The following HSD17B12 variants were observed in gnomAD, a reference collection of about 807,000 sequenced individuals.
HSD17B12 encodes the protein hydroxysteroid 17-beta dehydrogenase 12.
In HSD17B12, 32 loss-of-function variants were observed where a neutral mutation model predicts 39.3. The observed-to-expected ratio is 0.81, with a 90% confidence interval of 0.61 to 1.09. The LOEUF is 1.09. HSD17B12 is among the 50% of genes least tolerant of loss of function. The pLI is 0.00. For synonymous variants in HSD17B12, 150 were observed against 146.7 expected, an observed-to-expected ratio of 1.02 and a Z score of -0.16; for missense variants, 342 against 382.9, an observed-to-expected ratio of 0.89 and a Z score of 0.89.
the HSD17B12 span, among the ~76,000 whole-genome samples, chr11:43,641,500 G>A: frequency 3.9e-5 from 6 of 151,912 alleles, no homozygotes; most frequent in South Asian, 4.1e-4. Context: ...AAGCAGGCCC[G>A]TGAATTAAAG....
At chr11:43,619,245 A>AATAT in the HSD17B12 span, among the ~76,000 whole-genome samples, 42 of 70,716 alleles carry the variant, frequency 5.9e-4, 4 homozygotes, top group Admixed American at 3.7e-3. Context: ...ATATATATAA[A>AATAT]ATATATATAT....
At chr11:43,650,603 G>A in the HSD17B12 span, among the ~76,000 whole-genome samples, 1 of 152,090 alleles carries the variant, frequency 6.6e-6, no homozygotes, top group Non-Finnish European at 1.5e-5. Flanking sequence ...CTGGGTATAT[G>A]GCCTCAAGTC....
intron 1 of HSD17B12, among the ~76,000 whole-genome samples, chr11:43,700,631 C>T (rs7118770): frequency 0.46 from 70,528 of 151,858 alleles, 16,772 homozygotes; most frequent in Non-Finnish European, 0.5. Flanking sequence ...ACATGATCTC[C>T]AGTTCCATCC....
At chr11:43,798,287 G>A (rs756422378) in intron 3 of HSD17B12, 33 bp from the exon 4 acceptor site, 6 of 1,315,976 alleles carry the variant, frequency 4.6e-6, no homozygotes, top group South Asian at 2.4e-5. Flanking sequence ...AATTTTCCCT[G>A]TCTCTCCCCG....
chr11:43,643,747 G>C, the HSD17B12 span, among the ~76,000 whole-genome samples: 1 of 152,194 alleles, frequency 6.6e-6, no homozygotes, highest in Non-Finnish European at 1.5e-5. Context: ...AGAACATTGT[G>C]GGCAGTTATA....
chr11:43,801,731 C>T (rs1467249084), intron 4 of HSD17B12, among the ~76,000 whole-genome samples: 1 of 151,826 alleles, frequency 6.6e-6, no homozygotes, highest in East Asian at 1.9e-4. Context: ...GTAGTAATTG[C>T]ACTGAAGCAG....
chr11:43,644,423 T>C, the HSD17B12 span: 2 of 152,272 alleles, frequency 1.3e-5, no homozygotes, highest in East Asian at 3.9e-4. Context: ...TTGCCGTCGT[T>C]ATAGCGGTCA....
In HSD17B12 at chr11:43,754,123, T is replaced by G. The variant is rs1391771259; in HGVS notation, c.283+2T>G. 1 of 1,599,716 alleles carries G rather than the reference T, an allele frequency of 6.3e-7. No individual in the cohort carries two copies. Among genetic ancestry groups the G allele is most frequent in the Non-Finnish European group, 8.6e-7 (1 of 1,167,988 alleles). ...TTGACCAGGTTTCCAGTGAAATAAG[T>G]AAGTTCTCACATCAAACAAAAGGAA... On this transcript the variant is annotated splice_donor_variant, in intron 3 of 10. Transcript: ENST00000278353. LOFTEE classifies it high-confidence loss of function.
intron 7 of HSD17B12, chr11:43,838,014 G>T (rs924940778): frequency 1.5e-5 from 5 of 338,708 alleles, no homozygotes; most frequent in African/African-American, 4.2e-5. Context: ...CAGCACTGTG[G>T]CTAGAGAAGA....
chr11:43,780,547 A>G (rs890254396), intron 3 of HSD17B12, among the ~76,000 whole-genome samples: 7 of 152,242 alleles, frequency 4.6e-5, no homozygotes, highest in Admixed American at 1.3e-4. Flanking sequence ...ATAAGCATAC[A>G]TCAATTAGGC....
chr11:43,845,890 A>G (rs1452804070), intron 9 of HSD17B12, among the ~76,000 whole-genome samples: 1 of 152,258 alleles, frequency 6.6e-6, no homozygotes, highest in Admixed American at 6.5e-5. Context: ...ATGTTTCTTC[A>G]CAAACCTGCC....
intron 9 of HSD17B12, among the ~76,000 whole-genome samples, chr11:43,851,403 GT>G (rs1951530003): frequency 6.6e-6 from 1 of 152,148 alleles, no homozygotes; most frequent in Non-Finnish European, 1.5e-5. Context: ...CCCTTGTTGG[GT>G]TTTTATTTAA....
intron 1 of HSD17B12, among the ~76,000 whole-genome samples, chr11:43,695,983 T>C (rs1270038846): frequency 6.6e-6 from 1 of 152,162 alleles, no homozygotes; most frequent in Non-Finnish European, 1.5e-5. Flanking sequence ...TTCCTGATCC[T>C]CTCCCTCCTC....
At position 43,820,370 on chromosome 11, in the gene HSD17B12, A is replaced by G. The variant is rs1276391720; in HGVS notation, c.501+3979A>G. On this transcript the variant is annotated intron_variant, in intron 6 of 10. Coordinates refer to ENST00000278353, the MANE Select transcript of HSD17B12 (RefSeq NM_016142.3). ...CATTCACCTTGACGAAATTTGTGTG[A>G]CGCTCCCAGGTTTAGGACTCTTTGG... Among the ~76,000 whole-genome samples the G allele has an allele frequency of 2.0e-5, 3 of 152,176 alleles. 1 individual carries two copies. Among genetic ancestry groups the G allele is most frequent in the Admixed American group, 2.0e-4 (3 of 15,280 alleles).
rs146660579 is a variant in HSD17B12 at position 43,780,706 on chromosome 11, C to T, written c.284-17614C>T. On this transcript the variant is annotated intron_variant, in intron 3 of 10. Coordinates refer to ENST00000278353, the MANE Select transcript of HSD17B12 (RefSeq NM_016142.3). ...AGGTGACCAGGGTTCACAAATACTC[C>T]AGAATGCTCTGGCTCAGCATGGTTC... 3.3e-5 allele frequency among the ~76,000 whole-genome samples: 5 copies of T among 152,210 alleles called. No individual in the cohort carries two copies. The East Asian group carries it at 9.7e-4, about 29-fold the overall frequency.
intron 1 of HSD17B12, chr11:43,681,394 G>C (rs1252186031): frequency 6.1e-6 from 1 of 164,804 alleles, no homozygotes; most frequent in Non-Finnish European, 1.3e-5. Flanking sequence ...CGCTCGGTTT[G>C]AATATTGGCC....
At chr11:43,712,485 AT>A (rs999977018) in intron 1 of HSD17B12, among the ~76,000 whole-genome samples, 2 of 151,456 alleles carry the variant, frequency 1.3e-5, no homozygotes, top group African/African-American at 4.9e-5. Context: ...TAACCCAGAG[AT>A]TTTTTTTTCT....
the HSD17B12 span, among the ~76,000 whole-genome samples, chr11:43,619,451 G>A: frequency 2.7e-5 from 4 of 147,670 alleles, no homozygotes; most frequent in African/African-American, 5.0e-5. Flanking sequence ...GTGCAGTGGC[G>A]TGATCTTGGC....
At chr11:43,589,004 TATTTTG>T in the HSD17B12 span, among the ~76,000 whole-genome samples, 48 of 124,708 alleles carry the variant, frequency 3.8e-4, no homozygotes, top group Non-Finnish European at 5.0e-4. Context: ...TTATTATTAT[TATTTTG>T]ATGGGGAGAA....
Sources: allele counts gnomAD v4.1 joint callset (sites outside exome capture counted in the v4.1 genomes callset), GRCh38; gene constraint gnomAD v4.1.1; transcripts MANE v1.5; gene names NCBI Gene and HGNC (gene_info 2026-07-23, HGNC 2026-07-21).